Variants in TPST1 observed in about 807,000 individuals in gnomAD.
The protein encoded by TPST1 is protein-tyrosine sulfotransferase 1.
In TPST1, 20 loss-of-function variants were observed where a neutral mutation model predicts 34.8. The ratio of observed to expected loss-of-function variants is 0.57; its 90% CI spans 0.40 to 0.84. TPST1 has a LOEUF of 0.84. TPST1 is among the 40% of genes least tolerant of loss of function. The pLI is 0.00. For synonymous variants in TPST1, 152 were observed against 159.4 expected (o/e 0.95, Z 0.35); for missense variants, 353 against 455.5 (o/e 0.78, Z 2.05).
intron 3 of TPST1, among the ~76,000 whole-genome samples, chr7:66,310,072 T>G (rs1333177795): frequency 6.6e-6 from 1 of 152,152 alleles, no homozygotes; most frequent in Non-Finnish European, 1.5e-5. Context: ...AGTCTTGAAC[T>G]CTCACAGGCA....
intron 2 of TPST1, among the ~76,000 whole-genome samples, chr7:66,279,763 A>G (rs866406918): frequency 3.3e-5 from 5 of 152,210 alleles, no homozygotes; most frequent in African/African-American, 1.2e-4. Flanking sequence ...GAGGGCCCAG[A>G]GATGTGGAAA....
At chr7:66,306,398 T>C (rs979122470) in intron 3 of TPST1, among the ~76,000 whole-genome samples, 6 of 152,208 alleles carry the variant, frequency 3.9e-5, no homozygotes, top group African/African-American at 1.2e-4. Context: ...CCCGTGTAGG[T>C]GCATACATAA....
chr7:66,275,211 A>T (rs1790782730), intron 2 of TPST1, among the ~76,000 whole-genome samples: 1 of 152,174 alleles, frequency 6.6e-6, no homozygotes, highest in Non-Finnish European at 1.5e-5. Flanking sequence ...AAATAAAAAA[A>T]AATAAAAAAA....
chr7:66,300,485 C>T (rs1378343204), intron 3 of TPST1, among the ~76,000 whole-genome samples: 2 of 152,206 alleles, frequency 1.3e-5, no homozygotes, highest in African/African-American at 4.8e-5. Flanking sequence ...TTCCAAATTC[C>T]TGTTAACATT....
chr7:66,286,404 G>A, intron 2 of TPST1, 107 bp from the exon 3 acceptor site: 2 of 863,496 alleles, frequency 2.3e-6, no homozygotes, highest in Non-Finnish European at 3.1e-6. Context: ...CAATTGTTTT[G>A]TAATCCAGAC....
At chr7:66,243,941 A>ATTTTTTTTTTTTTTTTTTTTTT (rs55829208) in intron 2 of TPST1, among the ~76,000 whole-genome samples, 5 of 116,232 alleles carry the variant, frequency 4.3e-5, no homozygotes, top group Non-Finnish European at 7.0e-5. Flanking sequence ...ATTCTGGGAA[A>ATTTTTTTTTTTTTTTTTTTTTT]TTTTTTTTTT....
intron 1 of TPST1, among the ~76,000 whole-genome samples, chr7:66,211,890 C>T (rs997662824): frequency 4.6e-5 from 7 of 152,126 alleles, no homozygotes; most frequent in African/African-American, 9.7e-5. Flanking sequence ...CCCTTGAACC[C>T]GGGAGGCGGA....
At chr7:66,274,777 C>T (rs1318809201) in intron 2 of TPST1, among the ~76,000 whole-genome samples, 2 of 152,058 alleles carry the variant, frequency 1.3e-5, no homozygotes, top group Non-Finnish European at 2.9e-5. Context: ...ACCTGATAGA[C>T]ATTTATCAAA....
intron 3 of TPST1, among the ~76,000 whole-genome samples, chr7:66,319,002 A>G (rs1791694446): frequency 6.6e-6 from 1 of 152,170 alleles, no homozygotes; most frequent in South Asian, 2.1e-4. Flanking sequence ...TCTGATTTTT[A>G]AGGTCTTCTT....
chr7:66,351,466 G>A (rs1792476896), intron 3 of TPST1, among the ~76,000 whole-genome samples: 1 of 152,034 alleles, frequency 6.6e-6, no homozygotes, highest in Admixed American at 6.6e-5. Context: ...AAACCCTACT[G>A]TCTTACTTAT....
At chr7:66,215,920 C>T (rs978382172) in intron 1 of TPST1, among the ~76,000 whole-genome samples, 5 of 151,340 alleles carry the variant, frequency 3.3e-5, no homozygotes, top group African/African-American at 9.7e-5. Context: ...CTACAGGCGC[C>T]CGCCACGACG....
At chr7:66,280,995 A>G (rs1790922145) in intron 2 of TPST1, among the ~76,000 whole-genome samples, 1 of 152,156 alleles carries the variant, frequency 6.6e-6, no homozygotes, top group African/African-American at 2.4e-5. Flanking sequence ...GTTTTGAGGT[A>G]TGTTCCTTCG....
chr7:66,263,883 G>T (rs1001302595), intron 2 of TPST1, among the ~76,000 whole-genome samples: 6 of 152,158 alleles, frequency 3.9e-5, no homozygotes, highest in Non-Finnish European at 8.8e-5. Context: ...CAGAACTCTA[G>T]AAATTAACCA....
intron 3 of TPST1, among the ~76,000 whole-genome samples, chr7:66,337,529 G>A (rs1245020193): frequency 2.0e-5 from 3 of 151,868 alleles, no homozygotes; most frequent in Non-Finnish European, 4.4e-5. Context: ...GGCTGGTCTC[G>A]AACTCCTGAC....
At chr7:66,243,941 A>ATTTTTTTTTT (rs55829208) in intron 2 of TPST1, among the ~76,000 whole-genome samples, 1 of 116,232 alleles carries the variant, frequency 8.6e-6, no homozygotes, top group Non-Finnish European at 1.7e-5. Context: ...ATTCTGGGAA[A>ATTTTTTTTTT]TTTTTTTTTT....
chr7:66,217,842 G>A (rs1020903466), intron 1 of TPST1, among the ~76,000 whole-genome samples: 4 of 151,336 alleles, frequency 2.6e-5, no homozygotes, highest in Admixed American at 2.0e-4. Flanking sequence ...CCTCGGCCTC[G>A]CAGAGTGCTG....
chr7:66,328,534 A>G (rs904194970), intron 3 of TPST1, among the ~76,000 whole-genome samples: 1 of 151,614 alleles, frequency 6.6e-6, no homozygotes, highest in Non-Finnish European at 1.5e-5. Context: ...CCCATTCACA[A>G]ATGAAATAGT....
intron 3 of TPST1, among the ~76,000 whole-genome samples, chr7:66,343,564 T>G (rs1792282292): frequency 6.6e-6 from 1 of 152,002 alleles, no homozygotes. Flanking sequence ...AAAATTGATT[T>G]AAAAAAGGAC....
chr7:66,248,481 T>C (rs1584173472), intron 2 of TPST1, among the ~76,000 whole-genome samples: 1 of 151,478 alleles, frequency 6.6e-6, no homozygotes. Flanking sequence ...TGGGATTATA[T>C]TGGTTTATAA....
Sources: allele counts gnomAD v4.1 joint callset (sites outside exome capture counted in the v4.1 genomes callset), GRCh38; gene constraint gnomAD v4.1.1; transcripts MANE v1.5; gene names NCBI Gene and HGNC (gene_info 2026-07-23, HGNC 2026-07-21).